SAMD12: variants seen among roughly 807,000 people sequenced by gnomAD.
The protein encoded by SAMD12 is sterile alpha motif domain containing 12, also known as sterile alpha motif domain-containing protein 12.
A neutral mutation model predicts 15.0 loss-of-function variants in SAMD12; 9 were observed. The observed-to-expected ratio is 0.60, with a 90% confidence interval of 0.36 to 1.05. The LOEUF (loss-of-function observed/expected upper bound fraction) is 1.05, where lower values mean the gene tolerates loss of function less well. Among genes scored for constraint, SAMD12 ranks in the 50% least tolerant of loss-of-function variants. The pLI, the probability that SAMD12 is intolerant of heterozygous loss-of-function variation, is 0.01. For missense variants in SAMD12, 230 were observed against 234.2 expected (o/e 0.98, Z 0.12); for synonymous variants, 86 against 90.1 (o/e 0.96, Z 0.25).
chr8:118,254,566 G>T (rs1009389974), intron 4 of SAMD12, among the ~76,000 whole-genome samples: 9 of 151,934 alleles, frequency 5.9e-5, no homozygotes, highest in Non-Finnish European at 1.3e-4. Context: ...CTGTCCTGGG[G>T]CCTCACTCCT....
chr8:118,317,678 C>G (rs955931075), intron 4 of SAMD12, among the ~76,000 whole-genome samples: 14 of 152,112 alleles, frequency 9.2e-5, no homozygotes, highest in African/African-American at 3.1e-4. Flanking sequence ...ATTTCTTGAT[C>G]TGGGTGCTTG....
At chr8:118,621,678 G>T in intron 1 of SAMD12, 126 bp downstream of exon 1, 1 of 1,087,474 alleles carries the variant, frequency 9.2e-7, no homozygotes, top group Non-Finnish European at 1.4e-6. Flanking sequence ...AGGTGGAGGA[G>T]GAAGGGGCCC....
At chr8:118,413,005 C>A (rs1268167388) in intron 3 of SAMD12, among the ~76,000 whole-genome samples, 1 of 152,088 alleles carries the variant, frequency 6.6e-6, no homozygotes, top group African/African-American at 2.4e-5. Context: ...CTGGCACCTC[C>A]ACACCATTGC....
intron 3 of SAMD12, among the ~76,000 whole-genome samples, chr8:118,410,356 C>T (rs1394693520): frequency 6.6e-6 from 1 of 152,152 alleles, no homozygotes; most frequent in Non-Finnish European, 1.5e-5. Flanking sequence ...AAAAATTTCT[C>T]ATATGGAATA....
chr8:118,241,669 C>T (rs955263796), intron 4 of SAMD12, among the ~76,000 whole-genome samples: 16 of 152,188 alleles, frequency 1.1e-4, no homozygotes, highest in East Asian at 7.7e-4. Context: ...GGGCAGGTCA[C>T]GACATCTAAG....
At chr8:118,570,672 G>T (rs1037283234) in intron 2 of SAMD12, among the ~76,000 whole-genome samples, 1 of 152,030 alleles carries the variant, frequency 6.6e-6, no homozygotes, top group African/African-American at 2.4e-5. Flanking sequence ...ATGAACATAC[G>T]TGTATCTTTA....
chr8:118,621,019 A>G (rs1182811062), intron 1 of SAMD12: 1 of 152,188 alleles, frequency 6.6e-6, no homozygotes, highest in African/African-American at 2.4e-5. Context: ...TTCCAAGGTA[A>G]GATAACCTGA....
chr8:118,430,829 C>T (rs181800139), intron 3 of SAMD12, among the ~76,000 whole-genome samples: 1 of 152,206 alleles, frequency 6.6e-6, no homozygotes, highest in Non-Finnish European at 1.5e-5. Context: ...TATAGTTAGG[C>T]TTTTTTTGCC....
In SAMD12 at chr8:118,565,815, T is replaced by G. The variant is rs1309388643; in HGVS notation, c.192+14900A>C. ...CCAGTTAGCTGCTCAAACCAGAAAC[T>G]TCTGAGTGATCTTTCATTCCTCTCT... is the stretch of plus-strand genomic sequence containing the variant. On this transcript the variant is annotated intron_variant, in intron 2 of 3. Transcript: ENST00000314727. 2.0e-5 allele frequency among the ~76,000 whole-genome samples: 3 copies of G among 152,234 alleles called. No individual in the cohort carries two copies. In the South Asian group the frequency reaches 6.2e-4, roughly 32 times the overall value.
intron 2 of SAMD12, among the ~76,000 whole-genome samples, chr8:118,555,018 T>C (rs549582546): frequency 1.1e-4 from 16 of 152,298 alleles, no homozygotes; most frequent in African/African-American, 3.8e-4. Flanking sequence ...TTTGTGCATT[T>C]GGGAGAAAGG....
At chr8:118,468,029 T>G (rs959945287) in intron 2 of SAMD12, among the ~76,000 whole-genome samples, 7 of 152,224 alleles carry the variant, frequency 4.6e-5, no homozygotes, top group African/African-American at 1.4e-4. Flanking sequence ...TTTCCTTCAG[T>G]AATCTCATTC....
intron 1 of SAMD12, among the ~76,000 whole-genome samples, chr8:118,591,539 T>A (rs903352322): frequency 5.3e-5 from 8 of 152,146 alleles, no homozygotes; most frequent in African/African-American, 1.9e-4. Flanking sequence ...TAGACAAATA[T>A]TACATGCTAA....
chr8:118,184,073 T>C, the SAMD12 span, among the ~76,000 whole-genome samples: 1 of 152,214 alleles, frequency 6.6e-6, no homozygotes, highest in Non-Finnish European at 1.5e-5. Flanking sequence ...CTACTGTCTT[T>C]GTTAGAGGAA....
At chr8:118,582,897 C>T (rs1019734868) in intron 1 of SAMD12, among the ~76,000 whole-genome samples, 1 of 151,038 alleles carries the variant, frequency 6.6e-6, no homozygotes, top group Non-Finnish European at 1.5e-5. Flanking sequence ...TTTCATCAAG[C>T]ACTGTGCTTT....
chr8:118,231,706 AG>A (rs1812313156), intron 4 of SAMD12, among the ~76,000 whole-genome samples: 1 of 152,168 alleles, frequency 6.6e-6, no homozygotes, highest in Admixed American at 6.5e-5. Context: ...TGAGGATAGA[AG>A]GATGTAGGAA....
chr8:118,360,542 GAAAC>G lies in SAMD12; in HGVS notation c.433+19014_433+19017del, dbSNP rs148145991. 6.6e-3 allele frequency among the ~76,000 whole-genome samples: 1,000 copies of G among 151,548 alleles called. 13 individuals are homozygous for G. Among genetic ancestry groups the G allele is most frequent in the African/African-American group, 0.024 (975 of 41,326 alleles). ...AAGGTAAAAGAAAAAAAAAAACCAC[GAAAC>G]AAACAAAACAAAACACAAAACAAAA... is the stretch of plus-strand genomic sequence containing the variant. On this transcript the variant is annotated intron_variant, in intron 4 of 4. Coordinates refer to the SAMD12 transcript ENST00000409003.
At chr8:118,351,038 ACT>A (rs1817939327) in intron 4 of SAMD12, among the ~76,000 whole-genome samples, 1 of 152,064 alleles carries the variant, frequency 6.6e-6, no homozygotes, top group Non-Finnish European at 1.5e-5. Context: ...TGCAAAATCT[ACT>A]CTTTCTCACC....
intron 3 of SAMD12, among the ~76,000 whole-genome samples, chr8:118,380,714 T>C (rs1183926470): frequency 6.6e-6 from 1 of 152,234 alleles, no homozygotes; most frequent in Non-Finnish European, 1.5e-5. Context: ...ATGTGACGAA[T>C]GATGTCTTTA....
chr8:118,156,717 A>T, the SAMD12 span, among the ~76,000 whole-genome samples: 305 of 152,338 alleles, frequency 2.0e-3, no homozygotes, highest in Non-Finnish European at 3.5e-3. Flanking sequence ...TAGAAAAGGG[A>T]GAAAAAGCAT....
Sources: allele counts gnomAD v4.1 joint callset (sites outside exome capture counted in the v4.1 genomes callset), GRCh38; gene constraint gnomAD v4.1.1; transcripts MANE v1.5; gene names NCBI Gene and HGNC (gene_info 2026-07-23, HGNC 2026-07-21).